The following METTL25 variants were observed in gnomAD, a reference collection of about 807,000 sequenced individuals.
METTL25 encodes the protein methyltransferase like 25, also known as probable methyltransferase-like protein 25.
METTL25 carries 64 observed loss-of-function variants against 71.6 expected under a neutral mutation model. That is an observed-to-expected ratio of 0.89 (90% CI 0.73 to 1.10). The LOEUF (loss-of-function observed/expected upper bound fraction) is 1.10, where lower values mean the gene tolerates loss of function less well. METTL25 is among the 50% of genes least tolerant of loss of function. The probability of loss-of-function intolerance (pLI) is 0.00; values close to 1 mark genes in which losing one functional copy is unlikely to be tolerated. For missense variants in METTL25, 807 were observed against 707.0 expected (o/e 1.14, Z -1.60); for synonymous variants, 287 against 250.3 (o/e 1.15, Z -1.38).
intron 5 of METTL25, among the ~76,000 whole-genome samples, chr12:82,413,822 T>G (rs1391772659): frequency 6.6e-6 from 1 of 152,032 alleles, no homozygotes; most frequent in South Asian, 2.1e-4. Context: ...ATAAATACTC[T>G]ACTTTCCTGC....
intron 1 of METTL25, 70 bp downstream of exon 1, chr12:82,358,894 C>T (rs924130869): frequency 7.8e-6 from 12 of 1,530,626 alleles, no homozygotes; most frequent in Non-Finnish European, 1.1e-5. Context: ...AGCGAGCCCC[C>T]TGGTGGAAGC....
At chr12:82,373,278 G>A (rs938353577) in intron 1 of METTL25, among the ~76,000 whole-genome samples, 1 of 152,156 alleles carries the variant, frequency 6.6e-6, no homozygotes, top group African/African-American at 2.4e-5. Flanking sequence ...GAATAGGAAG[G>A]ATATCATTTC....
At chr12:82,440,611 G>T (rs1890245541) in intron 8 of METTL25, among the ~76,000 whole-genome samples, 1 of 151,818 alleles carries the variant, frequency 6.6e-6, no homozygotes, top group Admixed American at 6.6e-5. Flanking sequence ...AACATGTTAG[G>T]TCCTGGGGAT....
intron 9 of METTL25, among the ~76,000 whole-genome samples, chr12:82,465,690 T>C (rs1407870798): frequency 1.3e-5 from 2 of 152,018 alleles, no homozygotes; most frequent in East Asian, 1.9e-4. Flanking sequence ...TTCATTCTTT[T>C]TTAAACTTTA....
chr12:82,433,371 G>A (rs1889669903), intron 6 of METTL25, among the ~76,000 whole-genome samples: 1 of 151,494 alleles, frequency 6.6e-6, no homozygotes, highest in South Asian at 2.1e-4. Flanking sequence ...AATCTGTTCT[G>A]GACCTGTTGC....
intron 6 of METTL25, among the ~76,000 whole-genome samples, chr12:82,431,245 C>A (rs1057058253): frequency 6.6e-6 from 1 of 151,252 alleles, no homozygotes; most frequent in Non-Finnish European, 1.5e-5. Context: ...ATCCAACGCT[C>A]TGTGGTTTGT....
intron 1 of METTL25, 115 bp downstream of exon 1, chr12:82,358,939 C>A (rs1291856897): frequency 8.0e-7 from 1 of 1,250,468 alleles, no homozygotes; most frequent in Non-Finnish European, 1.1e-6. Flanking sequence ...GGAGGCGGGG[C>A]GGCCCGCTGG....
intron 6 of METTL25, among the ~76,000 whole-genome samples, chr12:82,433,934 A>G (rs1172253996): frequency 3.3e-5 from 5 of 151,374 alleles, no homozygotes; most frequent in African/African-American, 1.2e-4. Context: ...TATATTTGGA[A>G]ATATATCTAA....
At chr12:82,389,960 A>G (rs374311937) in intron 3 of METTL25, 38 bp downstream of exon 3, 1 of 1,174,426 alleles carries the variant, frequency 8.5e-7, no homozygotes, top group South Asian at 1.3e-5. Flanking sequence ...TGTTAAAATT[A>G]TTGCCACTTT....
chr12:82,403,225 C>A (rs1167218855), intron 5 of METTL25, 95 bp downstream of exon 5: 2 of 1,217,018 alleles, frequency 1.6e-6, no homozygotes, highest in Non-Finnish European at 2.3e-6. Context: ...TTCGTCATTA[C>A]CATGATTTGG....
chr12:82,401,444 T>C (rs1379349179), intron 4 of METTL25, among the ~76,000 whole-genome samples: 1 of 152,056 alleles, frequency 6.6e-6, no homozygotes, highest in Non-Finnish European at 1.5e-5. Context: ...TACTTAAGTT[T>C]TGAAAGAACC....
intron 5 of METTL25, among the ~76,000 whole-genome samples, chr12:82,408,171 A>G (rs1378428481): frequency 6.6e-6 from 1 of 152,192 alleles, no homozygotes. Context: ...TTATGATTAT[A>G]TAAGAAGACA....
intron 3 of METTL25, among the ~76,000 whole-genome samples, chr12:82,396,427 G>A (rs1360500380): frequency 2.6e-5 from 4 of 151,922 alleles, no homozygotes; most frequent in Admixed American, 6.6e-5. Context: ...ATTTAATTAC[G>A]GTTATGCATT....
At chr12:82,446,134 A>T (rs1374867105) in intron 8 of METTL25, among the ~76,000 whole-genome samples, 1 of 152,302 alleles carries the variant, frequency 6.6e-6, no homozygotes, top group African/African-American at 2.4e-5. Context: ...AACAATTGTA[A>T]ATGTATGTGC....
chr12:82,399,462 A>T, intron 4 of METTL25, 68 bp downstream of exon 4: 1 of 1,178,252 alleles, frequency 8.5e-7, no homozygotes, highest in Non-Finnish European at 1.2e-6. Context: ...ATAGTAGCTT[A>T]CTTAACATAC....
chr12:82,380,657 C>T (rs1050872484), intron 1 of METTL25, among the ~76,000 whole-genome samples: 2 of 152,154 alleles, frequency 1.3e-5, no homozygotes, highest in African/African-American at 2.4e-5. Flanking sequence ...AATTCAAACC[C>T]TAGTTCTTCC....
At chr12:82,451,257 G>A in intron 8 of METTL25, 3 of 969,954 alleles carry the variant, frequency 3.1e-6, no homozygotes, top group Non-Finnish European at 3.7e-6. Context: ...AGACTTAAGT[G>A]CGTATTTATA....
chr12:82,447,381 C>T (rs555069416), intron 8 of METTL25, among the ~76,000 whole-genome samples: 16 of 152,206 alleles, frequency 1.1e-4, no homozygotes, highest in Admixed American at 1.0e-3. Context: ...GTATTACATT[C>T]ATGTATATAG....
intron 5 of METTL25, among the ~76,000 whole-genome samples, chr12:82,420,107 G>A (rs1888349757): frequency 6.6e-6 from 1 of 152,118 alleles, no homozygotes; most frequent in East Asian, 1.9e-4. Flanking sequence ...ATTAAGCCAG[G>A]CAGAGAAAAA....
Sources: gnomAD v4.1 joint callset for allele counts (sites outside exome capture counted in the v4.1 genomes callset) on GRCh38, gnomAD v4.1.1 for gene constraint, MANE v1.5 for transcripts, NCBI Gene and HGNC (gene_info 2026-07-23, HGNC 2026-07-21) for gene names.